TRIM16: variants seen among roughly 807,000 people sequenced by gnomAD.
The protein encoded by TRIM16 is tripartite motif containing 16, also known as tripartite motif-containing protein 16.
Under a neutral mutation model 50.4 loss-of-function variants are expected in TRIM16, and 33 were observed. The ratio of observed to expected loss-of-function variants is 0.65; its 90% confidence interval spans 0.50 to 0.88. The LOEUF (loss-of-function observed/expected upper bound fraction) is 0.88. TRIM16 is among the 40% of genes least tolerant of loss of function. The probability of loss-of-function intolerance (pLI) is 0.00; values close to 1 mark genes in which losing one functional copy is unlikely to be tolerated. For synonymous variants in TRIM16, 229 were observed against 270.7 expected (o/e 0.85, Z 1.51); for missense variants, 581 against 686.8 (o/e 0.85, Z 1.72).
chr17:15,649,503 G>T (rs946355700), intron 7 of TRIM16, among the ~76,000 whole-genome samples: 8 of 152,074 alleles, frequency 5.3e-5, no homozygotes, highest in Non-Finnish European at 1.0e-4. Flanking sequence ...AGCCAGGATG[G>T]TCTCGATCTC....
chr17:15,635,586 C>T (rs1372897075), intron 9 of TRIM16, among the ~76,000 whole-genome samples: 1 of 121,120 alleles, frequency 8.3e-6, no homozygotes, highest in East Asian at 2.6e-4. Flanking sequence ...ACTGCTGGAG[C>T]GGTTTATAAA....
intron 6 of TRIM16, among the ~76,000 whole-genome samples, chr17:15,674,289 G>A (rs1191456940): frequency 2.0e-5 from 3 of 151,812 alleles, no homozygotes; most frequent in Non-Finnish European, 4.4e-5. Context: ...AGAATCACTT[G>A]AACCTGGGAG....
chr17:15,629,150 C>A lies in TRIM16; in HGVS notation c.1160G>T (p.Arg387Leu). The change falls in exon 12 of 12, where the codon CGG (arginine) becomes CTG (leucine). Residue 387 changes from arginine (R) to leucine (L), a missense_variant. By Grantham distance (102) the Arg-to-Leu change is moderately radical (BLOSUM62 -2). Coordinates refer to ENST00000649191, the MANE Select transcript of TRIM16 (RefSeq NM_001348119.1). ...FDPDTAHKYL[R>L]LQEENRKVTN... ...GACCTTGCGGTTCTCCTCCTGCAGC[C>A]GGAGATACTTGTGTGCTGTGTCCGG... 6.2e-7 allele frequency: 1 copy of A among 1,612,622 alleles called. No homozygotes were observed. The highest frequency in any genetic ancestry group is 8.5e-7 in the Non-Finnish European group (1 of 1,179,116).
chr17:15,635,366 TC>T (rs1986683106), intron 9 of TRIM16, among the ~76,000 whole-genome samples: 1 of 149,054 alleles, frequency 6.7e-6, no homozygotes, highest in African/African-American at 2.5e-5. Flanking sequence ...TCTTTAGATC[TC>T]GTTCCAATGG....
chr17:15,636,630 CTTTTTT>C (rs869137177), intron 8 of TRIM16, among the ~76,000 whole-genome samples: 1 of 121,204 alleles, frequency 8.3e-6, no homozygotes, highest in East Asian at 2.4e-4. Context: ...AAGAATTTGG[CTTTTTT>C]TTTTTTTTTT....
intron 11 of TRIM16, among the ~76,000 whole-genome samples, chr17:15,629,510 A>G (rs1236881850): frequency 6.6e-6 from 1 of 152,302 alleles, no homozygotes; most frequent in African/African-American, 2.4e-5. Context: ...ACAAACATGT[A>G]TTGAATGCCT....
intron 6 of TRIM16, among the ~76,000 whole-genome samples, chr17:15,669,084 A>G (rs8079787): frequency 0.012 from 1,846 of 151,996 alleles, 38 homozygotes; most frequent in African/African-American, 0.042. Context: ...AATAAAATAT[A>G]TATTAAAAAT....
intron 6 of TRIM16, among the ~76,000 whole-genome samples, chr17:15,660,483 CCT>C (rs1197443212): frequency 6.6e-6 from 1 of 152,204 alleles, no homozygotes; most frequent in Non-Finnish European, 1.5e-5. Context: ...TTTCTATACC[CCT>C]GATTGTCTGC....
At chr17:15,644,432 C>T (rs913055534) in intron 7 of TRIM16, among the ~76,000 whole-genome samples, 7 of 152,158 alleles carry the variant, frequency 4.6e-5, no homozygotes, top group Non-Finnish European at 1.0e-4. Context: ...AAATGATCTG[C>T]CTCCACCTCG....
chr17:15,641,124 T>C (rs1030637065), intron 8 of TRIM16, among the ~76,000 whole-genome samples: 10 of 147,798 alleles, frequency 6.8e-5, no homozygotes, highest in Admixed American at 2.7e-4. Context: ...TGGATTGAGG[T>C]TGACTTCTGC....
chr17:15,641,442 T>C lies in TRIM16; in HGVS notation c.615+1279A>G, dbSNP rs1243730809. Among the ~76,000 whole-genome samples the C allele has an allele frequency of 2.0e-5, 3 of 148,852 alleles. No homozygotes were observed. The East Asian group carries it at 6.1e-4, about 30-fold the overall frequency. On this transcript the variant is annotated intron_variant, in intron 8 of 11. Coordinates refer to ENST00000649191, the MANE Select transcript of TRIM16 (RefSeq NM_001348119.1). ...CATCTCTCCATGTCTTCATGCCCCT[T>C]GTGCATGGTAGCTATTGTAATAACT...
intron 6 of TRIM16, among the ~76,000 whole-genome samples, chr17:15,676,046 G>T (rs1988926905): frequency 6.6e-6 from 1 of 151,868 alleles, no homozygotes; most frequent in Admixed American, 6.6e-5. Context: ...GATACATTTG[G>T]CATGTCGTCC....
At chr17:15,663,470 G>T (rs1473727076) in intron 6 of TRIM16, among the ~76,000 whole-genome samples, 1 of 152,106 alleles carries the variant, frequency 6.6e-6, no homozygotes, top group Non-Finnish European at 1.5e-5. Context: ...CTGCTTCTCA[G>T]GCAGCAGCAG....
Position 15,628,654 on chromosome 17 carries a change from G to A in TRIM16, c.1656C>T (p.Pro552=), listed in dbSNP as rs369134762. Residue 552 remains proline, a synonymous_variant, in exon 12 of 12, where the codon CCC becomes CCT. Transcript: ENST00000649191. ...CCACCAAGGACGGTGCTGGCTTCTCGGGTTCCTCTCCCAGATCTACAATCC... is the reference window on the plus strand; with the variant it reads ...CCACCAAGGACGGTGCTGGCTTCTCAGGTTCCTCTCCCAGATCTACAATCC... ...AIRIVDLGEE[P]EKPAPSLVGT... 2 of 1,613,604 alleles carry A rather than the reference G, an allele frequency of 1.2e-6. No homozygotes were observed. The highest frequency in any genetic ancestry group is 1.7e-6 in the Non-Finnish European group (2 of 1,179,710).
chr17:15,674,025 G>A (rs1247533605), intron 6 of TRIM16, among the ~76,000 whole-genome samples: 1 of 152,082 alleles, frequency 6.6e-6, no homozygotes, highest in East Asian at 1.9e-4. Context: ...GGAAAAAAAA[G>A]AAAATTCTAA....
chr17:15,629,021 T>G lies in TRIM16; in HGVS notation c.1289A>C (p.Tyr430Ser), dbSNP rs1249045949. 1 of 1,613,986 alleles carries G rather than the reference T, an allele frequency of 6.2e-7. No individual in the cohort carries two copies. The highest frequency in any genetic ancestry group is 8.5e-7 in the Non-Finnish European group (1 of 1,179,998). Residue 430 changes from tyrosine to serine, a missense_variant, in exon 12 of 12, where the codon TAT becomes TCT. Physicochemically the swap from Tyr to Ser is moderately radical, Grantham distance 144. Coordinates refer to ENST00000649191, the MANE Select transcript of TRIM16 (RefSeq NM_001348119.1). ...SQQSLYLHRY[Y>S]FEVEIFGAGT... ...TGCCCCGAAGATCTCCACCTCAAAA[T>G]AGTACCTGTGCAGGTACAGACTCTG...
chr17:15,649,400 C>T (rs1387792483), intron 7 of TRIM16, among the ~76,000 whole-genome samples: 1 of 152,096 alleles, frequency 6.6e-6, no homozygotes, highest in African/African-American at 2.4e-5. Flanking sequence ...GATTCTCCTA[C>T]TGCAGCCTCC....
intron 9 of TRIM16, 24 bp from the exon 10 acceptor site, chr17:15,632,698 C>T (rs745984301): frequency 2.6e-6 from 4 of 1,541,800 alleles, no homozygotes; most frequent in Admixed American, 2.0e-5. Flanking sequence ...AACAGCAGAA[C>T]TTGCTGTGGT....
At chr17:15,649,013 C>G (rs868748219) in intron 7 of TRIM16, among the ~76,000 whole-genome samples, 5 of 152,132 alleles carry the variant, frequency 3.3e-5, no homozygotes, top group South Asian at 4.1e-4. Flanking sequence ...ACCTTATACA[C>G]TTCTCTCCTA....
Sources: gnomAD v4.1 joint callset for allele counts (sites outside exome capture counted in the v4.1 genomes callset) on GRCh38, gnomAD v4.1.1 for gene constraint, MANE v1.5 for transcripts, NCBI Gene and HGNC (gene_info 2026-07-23, HGNC 2026-07-21) for gene names.